ZNF554: variants seen among roughly 807,000 people sequenced by gnomAD.
ZNF554 encodes zinc finger protein 554.
In ZNF554, 15 loss-of-function variants were observed where a neutral mutation model predicts 21.2. That is an observed-to-expected ratio of 0.71 (90% CI 0.47 to 1.09). The LOEUF is 1.09. ZNF554 is among the 50% of genes least tolerant of loss of function. The pLI is 0.00. For synonymous variants in ZNF554, 258 were observed against 251.4 expected (o/e 1.03, Z -0.25); for missense variants, 691 against 662.7 (o/e 1.04, Z -0.47).
chr19:2,834,866 C>T lies in ZNF554; in HGVS notation c.*14C>T, dbSNP rs1212411418. 1 of 1,554,396 alleles carries T rather than the reference C, an allele frequency of 6.4e-7. No individual in the cohort carries two copies. Among genetic ancestry groups the T allele is most frequent in the Admixed American group, 1.9e-5 (1 of 52,844 alleles). The stretch of plus-strand genomic sequence containing the variant: ...ATTGGATATTAGCAATTGCACGCTG[C>T]TTTGTAAGCCACTTTTTAGTACTCT... On this transcript the variant is annotated 3_prime_UTR_variant, in exon 5 of 5. Coordinates refer to ENST00000317243, the MANE Select transcript of ZNF554 (RefSeq NM_001102651.2).
intron 3 of ZNF554, chr19:2,830,614 G>C (rs2087401786): frequency 6.6e-6 from 1 of 151,840 alleles, no homozygotes; most frequent in Admixed American, 6.6e-5. Context: ...TTTTTGTTTT[G>C]AGACAGAGTC....
At chr19:2,825,000 G>GTTTTTTT (rs1568332468) in intron 2 of ZNF554, among the ~76,000 whole-genome samples, 1 of 114,914 alleles carries the variant, frequency 8.7e-6, no homozygotes, top group Non-Finnish European at 1.8e-5. Context: ...CGTGATTGCA[G>GTTTTTTT]TTGTTTTTTT....
chr19:2,829,173 A>G (rs752925900), intron 3 of ZNF554, among the ~76,000 whole-genome samples: 2 of 151,926 alleles, frequency 1.3e-5, no homozygotes, highest in African/African-American at 2.4e-5. Context: ...AGCCTGACCA[A>G]TGTGGCAAAA....
intron 2 of ZNF554, among the ~76,000 whole-genome samples, chr19:2,824,639 C>G (rs1187460430): frequency 6.6e-6 from 1 of 152,218 alleles, no homozygotes. Context: ...ATGAACTTTA[C>G]CGTCTTAGCT....
Position 2,821,864 on chromosome 19 carries a change from C to A in ZNF554, c.54-1176C>A, listed in dbSNP as rs1336892994. Reference sequence around the variant, plus strand: ...TTTTTAGTAGAGACGGGGGTTTTGCCATGTTGGCCAGGCTGGTCTCGAACT... The same window carrying A: ...TTTTTAGTAGAGACGGGGGTTTTGCAATGTTGGCCAGGCTGGTCTCGAACT... On this transcript the variant is annotated intron_variant, in intron 1 of 4. Coordinates refer to ENST00000317243, the MANE Select transcript of ZNF554 (RefSeq NM_001102651.2). This position sits in a 1 kb window ranked among gnomAD's most constrained non-coding sequence, Gnocchi z 8.2. Among the ~76,000 whole-genome samples, 2 of 151,570 alleles carry A rather than the reference C, an allele frequency of 1.3e-5. No homozygotes were observed. Among genetic ancestry groups the A allele is most frequent in the Non-Finnish European group, 2.9e-5 (2 of 67,882 alleles).
rs771527924 is a variant in ZNF554 at position 2,827,667 on chromosome 19, G to A, written c.177G>A (p.Trp59Ter). The A allele has an allele frequency of 7.4e-6, 12 of 1,614,006 alleles. No individual in the cohort carries two copies. Among genetic ancestry groups the A allele is most frequent in the South Asian group, 3.3e-5 (3 of 91,050 alleles). ...DVSMDFSQEE[W>*]ELLEPAQKNL... ...CCATGGACTTCTCCCAGGAGGAGTG[G>A]GAGTTGCTGGAGCCTGCTCAGAAGA... Residue 59 changes from tryptophan (W) to a stop codon, truncating the protein, a stop_gained, in exon 3 of 5, where the codon TGG (tryptophan) becomes TGA (stop). Transcript: ENST00000317243. LOFTEE classifies it high-confidence loss of function.
intron 3 of ZNF554, among the ~76,000 whole-genome samples, chr19:2,830,330 C>A (rs796750759): frequency 1.6e-4 from 24 of 152,286 alleles, no homozygotes; most frequent in African/African-American, 5.8e-4. Flanking sequence ...TACATTGTAG[C>A]CTGTGTCAGT....
rs746700632 is a variant in ZNF554 at position 2,823,035 on chromosome 19, C to CT, written c.54-5_54-4insT. 1 of 1,612,900 alleles carries CT rather than the reference C, an allele frequency of 6.2e-7. No homozygotes were observed. The highest frequency in any genetic ancestry group is 1.3e-5 in the African/African-American group (1 of 74,884). On this transcript the variant is annotated splice_region_variant and splice_polypyrimidine_tract_variant and intron_variant, in intron 1 of 4. Transcript: ENST00000317243. ...GTATTCGCAGCGCCTTTTTCCTCCC[C>CT]ACAGCTCTGCCTGCCCAGGAACCTG...
chr19:2,834,116 A>T lies in ZNF554; in HGVS notation c.881A>T (p.Lys294Met), dbSNP rs753762963. ...AGTCACTTTATTCAACACGGGGGGA[A>T]GATGTTTGTGTATTTGGAAAATGGG... ...QNSHFIQHGG[K>M]MFVYLENGQS... The change falls in exon 5 of 5, where the codon AAG becomes ATG. Residue 294 changes from lysine to methionine, a missense_variant. Coordinates refer to ENST00000317243, the MANE Select transcript of ZNF554 (RefSeq NM_001102651.2). The T allele has an allele frequency of 8.1e-6, 13 of 1,613,958 alleles. No homozygotes were observed. Among genetic ancestry groups the T allele is most frequent in the Non-Finnish European group, 1.1e-5 (13 of 1,180,042 alleles).
chr19:2,822,980 C>A, intron 1 of ZNF554, 60 bp from the exon 2 acceptor site: 1 of 1,560,896 alleles, frequency 6.4e-7, no homozygotes, highest in Non-Finnish European at 8.8e-7. Flanking sequence ...AGGCCAAGGG[C>A]TCTGGGATCT....
rs970851891 is a variant in ZNF554 at position 2,835,845 on chromosome 19, G to A, written c.*993G>A. 1 of 152,064 alleles carries A rather than the reference G, an allele frequency of 6.6e-6. No individual in the cohort carries two copies. Among genetic ancestry groups the A allele is most frequent in the Non-Finnish European group, 1.5e-5 (1 of 68,006 alleles). 9.4% of individuals were successfully genotyped at this position (152,064 alleles called of 1,614,324 possible). On this transcript the variant is annotated 3_prime_UTR_variant, in exon 5 of 5. Transcript: ENST00000317243. ...AATATTCTTTTCTGGGTTTATATGA[G>A]ACGAGTTTTCACTCTGTTGCTGAGG...
In ZNF554 at chr19:2,833,748, C is replaced by T. The variant is rs2087451526; in HGVS notation, c.513C>T (p.Ala171=). 1.3e-6 allele frequency: 2 copies of T among 1,576,686 alleles called. No individual in the cohort carries two copies. Among genetic ancestry groups the T allele is most frequent in the Non-Finnish European group, 1.7e-6 (2 of 1,162,012 alleles). ...AGGTGGCTTTGCAGGAGGAACCAGC[C>T]AGTGGTATAAATATGATAAAGCTTA... ...YKKVALQEEP[A]SGINMIKLIR... The change falls in exon 5 of 5, where the codon GCC becomes GCT. Residue 171 remains alanine, a synonymous_variant. Coordinates refer to ENST00000317243, the MANE Select transcript of ZNF554 (RefSeq NM_001102651.2).
At position 2,821,732 on chromosome 19, in the gene ZNF554, T is replaced by C. The variant is rs2087266570; in HGVS notation, c.54-1308T>C. Among the ~76,000 whole-genome samples the C allele has an allele frequency of 6.6e-6, 1 of 152,112 alleles. No individual in the cohort carries two copies. On this transcript the variant is annotated intron_variant, in intron 1 of 4. Coordinates refer to ENST00000317243, the MANE Select transcript of ZNF554 (RefSeq NM_001102651.2). This position sits in a 1 kb window ranked among gnomAD's most constrained non-coding sequence, Gnocchi z 8.2. ...ACCTGGCTGGAGTGCAGTGGCACGA[T>C]CTCGGCTCACTGCAATCTCTACCCC... is the stretch of plus-strand genomic sequence containing the variant.
Position 2,832,499 on chromosome 19 carries a change from G to A in ZNF554, c.445+5G>A. The stretch of plus-strand genomic sequence containing the variant: ...CTCCTCAAGCCTCCTGTTCAGGTGA[G>A]AATCAGGCAGATAGAAACCATTGGG... On this transcript the variant is annotated splice_donor_5th_base_variant and intron_variant, in intron 4 of 4. Coordinates refer to ENST00000317243, the MANE Select transcript of ZNF554 (RefSeq NM_001102651.2). 1 of 1,588,396 alleles carries A rather than the reference G, an allele frequency of 6.3e-7. No individual in the cohort carries two copies. The highest frequency in any genetic ancestry group is 2.2e-5 in the East Asian group (1 of 44,638).
rs762586098 is a variant in ZNF554, at chr19:2,820,684, C to CTTTTTTT, written c.53+570_53+576dup. The stretch of plus-strand genomic sequence containing the variant: ...TCCTGGTGATAAGACAGCAAGGGTC[C>CTTTTTTT]TTTTTTTTTTTTTTTTGAGACGGAG... On this transcript the variant is annotated intron_variant, in intron 1 of 4. Coordinates refer to ENST00000317243, the MANE Select transcript of ZNF554 (RefSeq NM_001102651.2). 4.2e-4 allele frequency among the ~76,000 whole-genome samples: 43 copies of CTTTTTTT among 103,188 alleles called. 3 individuals are homozygous for CTTTTTTT. Among genetic ancestry groups the CTTTTTTT allele is most frequent in the African/African-American group, 1.3e-3 (34 of 26,154 alleles). 67.7% of individuals were successfully genotyped at this position (103,188 alleles called of 152,430 possible).
intron 4 of ZNF554, among the ~76,000 whole-genome samples, chr19:2,833,437 C>A (rs753447340): frequency 6.6e-6 from 1 of 152,182 alleles, no homozygotes; most frequent in Non-Finnish European, 1.5e-5. Flanking sequence ...AGAGTAATTT[C>A]TTTCTGCATT....
rs546679255 is a variant in ZNF554 at position 2,821,899 on chromosome 19, G to A, written c.54-1141G>A. On this transcript the variant is annotated intron_variant, in intron 1 of 4. Coordinates refer to ENST00000317243, the MANE Select transcript of ZNF554 (RefSeq NM_001102651.2). The surrounding 1 kb of genome is among the most constrained non-coding windows in gnomAD (Gnocchi z 8.2). ...AGGCTGGTCTCGAACTCCTGACCTC[G>A]TGGTCTGCCCGCCTTGGCCTTTCAA... Among the ~76,000 whole-genome samples the A allele has an allele frequency of 3.0e-3, 448 of 151,486 alleles. 1 individual carries two copies. Among genetic ancestry groups the A allele is most frequent in the Admixed American group, 5.8e-3 (89 of 15,222 alleles).
In ZNF554 at chr19:2,821,857, G is replaced by A. The variant is rs541695214; in HGVS notation, c.54-1183G>A. On this transcript the variant is annotated intron_variant, in intron 1 of 4. Transcript: ENST00000317243. The surrounding 1 kb of genome is among the most constrained non-coding windows in gnomAD (Gnocchi z 8.2). The stretch of plus-strand genomic sequence containing the variant: ...TTTTGTATTTTTAGTAGAGACGGGG[G>A]TTTTGCCATGTTGGCCAGGCTGGTC... 3.3e-5 allele frequency among the ~76,000 whole-genome samples: 5 copies of A among 151,624 alleles called. No homozygotes were observed. The highest frequency in any genetic ancestry group is 2.1e-4 in the South Asian group (1 of 4,784).
intron 1 of ZNF554, 66 bp from the exon 2 acceptor site, chr19:2,822,974 C>T: frequency 6.5e-7 from 1 of 1,549,068 alleles, no homozygotes; most frequent in South Asian, 1.1e-5. Context: ...TTCTCCAGGC[C>T]AAGGGCTCTG....
Sources: gnomAD v4.1 joint callset for allele counts (sites outside exome capture counted in the v4.1 genomes callset) on GRCh38, gnomAD v4.1.1 for gene constraint, Gnocchi (gnomAD v3.1) non-coding constraint, MANE v1.5 for transcripts, NCBI Gene and HGNC (gene_info 2026-07-23, HGNC 2026-07-21) for gene names.